The following DSCAML1 variants were observed in gnomAD, a reference collection of about 807,000 sequenced individuals.
DSCAML1 encodes the protein cell adhesion molecule DSCAML1.
Under a neutral mutation model 200.5 loss-of-function variants are expected in DSCAML1, and 38 were observed. That is an observed-to-expected ratio of 0.19 (90% CI 0.15 to 0.25). DSCAML1 has a LOEUF of 0.25. Among genes scored for constraint, DSCAML1 ranks in the 10% least tolerant of loss-of-function variants. DSCAML1 has a pLI of 1.00. For synonymous variants in DSCAML1, 1,215 were observed against 1,165.0 expected (o/e 1.04, Z -0.87); for missense variants, 2,223 against 2,858.8 (o/e 0.78, Z 5.07).
chr11:117,720,061 C>A (rs941168734), intron 3 of DSCAML1, among the ~76,000 whole-genome samples: 2 of 152,118 alleles, frequency 1.3e-5, no homozygotes, highest in Non-Finnish European at 2.9e-5. Flanking sequence ...TAGTCCCTCC[C>A]GGCCCAGGCA....
At chr11:117,615,798 T>C (rs991319336) in intron 3 of DSCAML1, among the ~76,000 whole-genome samples, 3 of 152,204 alleles carry the variant, frequency 2.0e-5, no homozygotes, top group Admixed American at 1.3e-4. Flanking sequence ...AGCAAGTAGC[T>C]GTTGGCTAGG....
At chr11:117,522,501 G>A (rs2049902189) in intron 5 of DSCAML1, among the ~76,000 whole-genome samples, 1 of 152,120 alleles carries the variant, frequency 6.6e-6, no homozygotes, top group Non-Finnish European at 1.5e-5. Flanking sequence ...GCTCTGTATG[G>A]GGGCTCAGGC....
Position 117,437,360 on chromosome 11 carries a change from C to T in DSCAML1, c.4482G>A (p.Thr1494=), listed in dbSNP as rs370668650. ...DQHLFTHINS[T]HARLNLQGWN... ...AGCCCTGCAGGTTAAGCCGAGCATG[C>T]GTGGAGTTGATGTGGGTGAAGAGGT... is the stretch of plus-strand genomic sequence containing the variant. Residue 1494 remains threonine, a synonymous_variant, in exon 26 of 33, where the codon ACG becomes ACA. Coordinates refer to ENST00000651296, the MANE Select transcript of DSCAML1 (RefSeq NM_020693.4). The surrounding 1 kb of genome is among the most constrained non-coding windows in gnomAD (Gnocchi z 5.3). 4.3e-6 allele frequency: 7 copies of T among 1,614,040 alleles called. No individual in the cohort carries two copies. Among genetic ancestry groups the T allele is most frequent in the South Asian group, 3.3e-5 (3 of 91,084 alleles).
At chr11:117,432,757 T>C (rs1257012846) in intron 29 of DSCAML1, among the ~76,000 whole-genome samples, 1 of 149,952 alleles carries the variant, frequency 6.7e-6, no homozygotes, top group African/African-American at 2.5e-5. Flanking sequence ...GACTACAGGA[T>C]GTGTCATGCC....
intron 1 of DSCAML1, among the ~76,000 whole-genome samples, chr11:117,810,327 G>A (rs1316259943): frequency 6.6e-6 from 1 of 151,974 alleles, no homozygotes; most frequent in Non-Finnish European, 1.5e-5. Context: ...TTAGTGGCAA[G>A]TCCCGCTTTT....
At chr11:117,448,033 G>A (rs2048214959) in intron 20 of DSCAML1, among the ~76,000 whole-genome samples, 2 of 152,160 alleles carry the variant, frequency 1.3e-5, no homozygotes, top group Admixed American at 1.3e-4. Flanking sequence ...CACATCAGCA[G>A]GACTTGTGTG....
intron 3 of DSCAML1, among the ~76,000 whole-genome samples, chr11:117,585,364 C>G (rs952163231): frequency 6.6e-6 from 1 of 152,090 alleles, no homozygotes; most frequent in African/African-American, 2.4e-5. Context: ...ATTCTCTTGC[C>G]TCAGCCTCCT....
chr11:117,814,961 G>A (rs2055792234), intron 1 of DSCAML1, among the ~76,000 whole-genome samples: 1 of 152,212 alleles, frequency 6.6e-6, no homozygotes, highest in African/African-American at 2.4e-5. Flanking sequence ...GGCTGGGTTT[G>A]GCACGCACTC....
At chr11:117,461,418 T>A (rs748458949) in intron 18 of DSCAML1, 32 bp downstream of exon 18, 1 of 1,613,408 alleles carries the variant, frequency 6.2e-7, no homozygotes, top group Non-Finnish European at 8.5e-7. Context: ...GCCTCTCCCC[T>A]GAGTCCCAGC....
rs774575847 is a variant in DSCAML1, at chr11:117,428,587, G to A, written c.5903C>T (p.Thr1968Ile). 3.3e-5 allele frequency: 53 copies of A among 1,594,770 alleles called. No individual in the cohort carries two copies. The highest frequency in any genetic ancestry group is 4.4e-5 in the Non-Finnish European group (52 of 1,171,488). Residue 1968 changes from threonine (T) to isoleucine (I), a missense_variant, in exon 33 of 33, where the codon ACC becomes ATC. Physicochemically the swap from Thr to Ile is moderately conservative, Grantham distance 89. Coordinates refer to ENST00000651296, the MANE Select transcript of DSCAML1 (RefSeq NM_020693.4). ...PGAPAAASTA[T>I]LPQRTLAMPA... Reference sequence around the variant, plus strand: ...CATGGCCAGAGTCCTCTGAGGTAAGGTGGCTGTGGAGGCGGCAGCGGGGGC... The same window carrying A: ...CATGGCCAGAGTCCTCTGAGGTAAGATGGCTGTGGAGGCGGCAGCGGGGGC...
intron 20 of DSCAML1, among the ~76,000 whole-genome samples, chr11:117,445,145 A>G (rs2048150801): frequency 1.3e-5 from 2 of 152,240 alleles, no homozygotes; most frequent in African/African-American, 4.8e-5. Flanking sequence ...GACATTCTTC[A>G]TGCCCCATAG....
chr11:117,490,218 A>G (rs1176268403), intron 11 of DSCAML1, among the ~76,000 whole-genome samples: 2 of 152,232 alleles, frequency 1.3e-5, no homozygotes, highest in Non-Finnish European at 2.9e-5. Flanking sequence ...TTCAGAAACA[A>G]GACAGTTGTC....
chr11:117,475,204 C>T (rs1363062044), intron 14 of DSCAML1, among the ~76,000 whole-genome samples: 1 of 152,174 alleles, frequency 6.6e-6, no homozygotes, highest in Non-Finnish European at 1.5e-5. Flanking sequence ...CTGTTCTCTA[C>T]ACTGCGGCCA....
chr11:117,789,560 C>G (rs948100), intron 1 of DSCAML1, among the ~76,000 whole-genome samples: 18,067 of 152,182 alleles, frequency 0.12, 1,158 homozygotes, highest in East Asian at 0.15. Flanking sequence ...TTCTGGCCAC[C>G]CTGCTGTCAG....
intron 3 of DSCAML1, among the ~76,000 whole-genome samples, chr11:117,630,658 C>CAA (rs56741831): frequency 0.28 from 12,890 of 45,544 alleles, 3,989 homozygotes; most frequent in Non-Finnish European, 0.37. Context: ...ATAAAGTGGC[C>CAA]AAAAAAAAAA....
intron 3 of DSCAML1, among the ~76,000 whole-genome samples, chr11:117,576,037 C>T (rs1391914280): frequency 6.6e-6 from 1 of 152,082 alleles, no homozygotes; most frequent in Admixed American, 6.5e-5. Flanking sequence ...CCAGCCCTTC[C>T]ACCTACACAA....
At chr11:117,653,982 T>C (rs1253317067) in intron 3 of DSCAML1, among the ~76,000 whole-genome samples, 1 of 152,164 alleles carries the variant, frequency 6.6e-6, no homozygotes, top group Non-Finnish European at 1.5e-5. Flanking sequence ...GCTACGATTA[T>C]GCCACTGCAC....
At chr11:117,591,528 C>T (rs967765583) in intron 3 of DSCAML1, among the ~76,000 whole-genome samples, 10 of 152,158 alleles carry the variant, frequency 6.6e-5, no homozygotes, top group African/African-American at 9.7e-5. Context: ...CTATGCGAGC[C>T]GCGATTTGTA....
chr11:117,670,848 T>G (rs952490668), intron 3 of DSCAML1, among the ~76,000 whole-genome samples: 1 of 152,176 alleles, frequency 6.6e-6, no homozygotes, highest in African/African-American at 2.4e-5. Flanking sequence ...GTCATTTTGC[T>G]GATGTTGACA....
Sources: gnomAD v4.1 joint callset for allele counts (sites outside exome capture counted in the v4.1 genomes callset) on GRCh38, gnomAD v4.1.1 for gene constraint, Gnocchi (gnomAD v3.1) non-coding constraint, MANE v1.5 for transcripts, NCBI Gene and HGNC (gene_info 2026-07-23, HGNC 2026-07-21) for gene names.